NCAM2: variants seen among roughly 807,000 people sequenced by gnomAD.
NCAM2 encodes the protein neural cell adhesion molecule 2.
In NCAM2, 30 loss-of-function variants were observed where a neutral mutation model predicts 98.1. The ratio of observed to expected loss-of-function variants is 0.31; its 90% confidence interval spans 0.23 to 0.41. NCAM2 has a LOEUF of 0.41. NCAM2 is among the 10% of genes least tolerant of loss of function. The pLI, the probability that NCAM2 is intolerant of heterozygous loss-of-function variation, is 1.00. For synonymous variants in NCAM2, 368 were observed against 342.4 expected, an observed-to-expected ratio of 1.07 and a Z score of -0.83; for missense variants, 867 against 1,005.8, an observed-to-expected ratio of 0.86 and a Z score of 1.87.
chr21:21,432,382 T>C, intron 12 of NCAM2, 101 bp downstream of exon 12: 2 of 1,068,194 alleles, frequency 1.9e-6, no homozygotes, highest in Non-Finnish European at 2.7e-6. Flanking sequence ...TCTTTTCTTT[T>C]AATAAAATGG....
At chr21:21,406,629 A>G (rs1445340105) in intron 9 of NCAM2, among the ~76,000 whole-genome samples, 1 of 152,190 alleles carries the variant, frequency 6.6e-6, no homozygotes, top group Non-Finnish European at 1.5e-5. Flanking sequence ...AGTGAATGAC[A>G]TACTTCCATC....
At chr21:21,482,667 A>G (rs892611453) in intron 15 of NCAM2, among the ~76,000 whole-genome samples, 4 of 151,872 alleles carry the variant, frequency 2.6e-5, no homozygotes, top group African/African-American at 4.8e-5. Context: ...TTACATTCAT[A>G]TAAAATATTA....
intron 8 of NCAM2, among the ~76,000 whole-genome samples, chr21:21,342,544 T>A (rs973518031): frequency 6.6e-6 from 1 of 152,184 alleles, no homozygotes; most frequent in African/African-American, 2.4e-5. Flanking sequence ...CTGCTGTCTT[T>A]TGTGGCAGCA....
At chr21:21,275,784 C>A (rs1263930380) in intron 1 of NCAM2, among the ~76,000 whole-genome samples, 1 of 152,032 alleles carries the variant, frequency 6.6e-6, no homozygotes, top group Admixed American at 6.6e-5. Context: ...CACAAGATAC[C>A]CTCTTGTTTT....
intron 1 of NCAM2, among the ~76,000 whole-genome samples, chr21:21,262,777 G>T (rs7281836): frequency 6.6e-6 from 1 of 151,464 alleles, no homozygotes; most frequent in East Asian, 2.0e-4. Flanking sequence ...ACAAAATAAA[G>T]ATATTTAATG....
chr21:21,054,071 C>T (rs963952944), intron 1 of NCAM2, among the ~76,000 whole-genome samples: 1 of 151,762 alleles, frequency 6.6e-6, no homozygotes, highest in Non-Finnish European at 1.5e-5. Context: ...GATCACTTGA[C>T]ATTTTCATTG....
At chr21:21,446,533 A>T (rs965110595) in intron 12 of NCAM2, among the ~76,000 whole-genome samples, 17 of 151,980 alleles carry the variant, frequency 1.1e-4, no homozygotes, top group African/African-American at 3.9e-4. Context: ...TCCACATAGT[A>T]TTGGAAGTTC....
At chr21:21,123,547 A>G (rs1489236420) in intron 1 of NCAM2, among the ~76,000 whole-genome samples, 1 of 152,146 alleles carries the variant, frequency 6.6e-6, no homozygotes, top group Admixed American at 6.5e-5. Flanking sequence ...ATTGTAACAC[A>G]CTGGTTCCCG....
At chr21:21,480,243 T>G (rs1253016664) in intron 15 of NCAM2, among the ~76,000 whole-genome samples, 2 of 151,324 alleles carry the variant, frequency 1.3e-5, no homozygotes, top group Admixed American at 6.6e-5. Flanking sequence ...GGCGGGCGCC[T>G]GTTGTCCCAG....
At chr21:21,001,544 T>C (rs2064019536) in intron 1 of NCAM2, among the ~76,000 whole-genome samples, 1 of 152,212 alleles carries the variant, frequency 6.6e-6, no homozygotes, top group South Asian at 2.1e-4. Flanking sequence ...GCTGTTTGGA[T>C]CTTTGTATAT....
chr21:21,110,106 A>T (rs1453367473), intron 1 of NCAM2, among the ~76,000 whole-genome samples: 2 of 152,206 alleles, frequency 1.3e-5, no homozygotes, highest in African/African-American at 4.8e-5. Flanking sequence ...AGCCGGGGTG[A>T]TGAGTCCAAA....
chr21:21,367,187 A>G (rs1275995023), intron 8 of NCAM2, among the ~76,000 whole-genome samples: 1 of 152,002 alleles, frequency 6.6e-6, no homozygotes, highest in African/African-American at 2.4e-5. Context: ...AAATTTTACA[A>G]GATGTACATT....
Position 21,097,668 on chromosome 21 carries a change from A to G in NCAM2, c.55+99050A>G, listed in dbSNP as rs1440688005. On this transcript the variant is annotated intron_variant, in intron 1 of 17. Transcript: ENST00000400546. ...ACAAGCTGGCTGTTTCAGATCCACC[A>G]AGGCTGTTTTGTGCAAGAAAGTGTC... is the stretch of plus-strand genomic sequence containing the variant. 4.0e-5 allele frequency among the ~76,000 whole-genome samples: 6 copies of G among 151,632 alleles called. No homozygotes were observed. In the East Asian group the frequency reaches 1.2e-3, roughly 30 times the overall value.
intron 12 of NCAM2, among the ~76,000 whole-genome samples, chr21:21,452,669 TA>T (rs1374825208): frequency 8.8e-6 from 1 of 113,064 alleles, no homozygotes; most frequent in African/African-American, 3.5e-5. Flanking sequence ...TATATATATT[TA>T]ATATGTATTA....
At chr21:21,119,870 A>G (rs941666861) in intron 1 of NCAM2, among the ~76,000 whole-genome samples, 15 of 152,328 alleles carry the variant, frequency 9.8e-5, no homozygotes, top group African/African-American at 2.4e-4. Context: ...ACATTAATAG[A>G]TAAGTGTGAA....
rs1401112259 is a variant in NCAM2 at position 21,011,373 on chromosome 21, G to T, written c.55+12755G>T. On this transcript the variant is annotated intron_variant, in intron 1 of 17. Coordinates refer to ENST00000400546, the MANE Select transcript of NCAM2 (RefSeq NM_004540.5). ...TAGTCCCTTGAAGAAACGAGGAGTT[G>T]CAGAAGGAAAAAGACAAGCACTAGG... Among the ~76,000 whole-genome samples, 7 of 152,096 alleles carry T rather than the reference G, an allele frequency of 4.6e-5. No homozygotes were observed. The East Asian group carries it at 5.8e-4, about 13-fold the overall frequency.
At position 21,427,220 on chromosome 21, in the gene NCAM2, G is replaced by GAA. The variant is rs138485186; in HGVS notation, c.1481-4885_1481-4884dup. 8.1e-3 allele frequency among the ~76,000 whole-genome samples: 1,222 copies of GAA among 150,316 alleles called. 15 individuals carry two copies. The highest frequency in any genetic ancestry group is 0.018 in the African/African-American group (742 of 40,868). On this transcript the variant is annotated intron_variant, in intron 11 of 17. Coordinates refer to ENST00000400546, the MANE Select transcript of NCAM2 (RefSeq NM_004540.5). ...TGTTTCCTGAGAAGAGAGTGGGATT[G>GAA]AAAACAAAAAAAAGAGATCTTTATA... is the stretch of plus-strand genomic sequence containing the variant.
At chr21:21,490,995 T>C (rs1197320740) in intron 15 of NCAM2, among the ~76,000 whole-genome samples, 1 of 151,912 alleles carries the variant, frequency 6.6e-6, no homozygotes, top group Non-Finnish European at 1.5e-5. Flanking sequence ...ATACGTGTTT[T>C]CTTTATTACT....
At chr21:21,170,158 A>G (rs1233179074) in intron 1 of NCAM2, among the ~76,000 whole-genome samples, 1 of 152,192 alleles carries the variant, frequency 6.6e-6, no homozygotes, top group African/African-American at 2.4e-5. Flanking sequence ...GGTGGCGTGA[A>G]TGGAAAATAG....
Sources: gnomAD v4.1 joint callset for allele counts (sites outside exome capture counted in the v4.1 genomes callset) on GRCh38, gnomAD v4.1.1 for gene constraint, MANE v1.5 for transcripts, NCBI Gene and HGNC (gene_info 2026-07-23, HGNC 2026-07-21) for gene names.